USP47: variants seen among roughly 807,000 people sequenced by gnomAD.
USP47 encodes ubiquitin specific peptidase 47, also known as ubiquitin carboxyl-terminal hydrolase 47.
A neutral mutation model predicts 165.1 loss-of-function variants in USP47; 35 were observed. The ratio of observed to expected loss-of-function variants is 0.21; its 90% CI spans 0.16 to 0.28. The LOEUF (loss-of-function observed/expected upper bound fraction) is 0.28, where lower values mean the gene tolerates loss of function less well. Ranked by LOEUF, USP47 falls within the 10% of genes least tolerant of loss-of-function variation. The probability of loss-of-function intolerance (pLI) is 1.00; values close to 1 mark genes in which losing one functional copy is unlikely to be tolerated. For synonymous variants in USP47, 531 were observed against 544.5 expected, an observed-to-expected ratio of 0.98 and a Z score of 0.35; for missense variants, 1,277 against 1,607.4, an observed-to-expected ratio of 0.79 and a Z score of 3.52.
intron 2 of USP47, among the ~76,000 whole-genome samples, chr11:11,881,057 T>A (rs1287655976): frequency 6.6e-6 from 1 of 152,308 alleles, no homozygotes; most frequent in Non-Finnish European, 1.5e-5. Flanking sequence ...TATATTTAGT[T>A]TCTCTCTTTC....
chr11:11,850,878 G>A (rs959955737), intron 1 of USP47, among the ~76,000 whole-genome samples: 12 of 152,224 alleles, frequency 7.9e-5, no homozygotes, highest in Non-Finnish European at 1.3e-4. Context: ...GAGCAGCACC[G>A]TCTCGCTGTG....
At chr11:11,938,408 A>C in intron 18 of USP47, 36 bp downstream of exon 18, 1 of 1,512,414 alleles carries the variant, frequency 6.6e-7, no homozygotes, top group Non-Finnish European at 9.2e-7. Flanking sequence ...TAAATTTTTG[A>C]GAGCCTGCTA....
chr11:11,897,400 T>C (rs2134415749), intron 4 of USP47, among the ~76,000 whole-genome samples, 197 bp from the exon 5 acceptor site: 1 of 152,210 alleles, frequency 6.6e-6, no homozygotes, highest in African/African-American at 2.4e-5. Flanking sequence ...CCTGACATTT[T>C]CTACAAAACA....
chr11:11,948,767 A>C (rs563709199), intron 22 of USP47: 3 of 450,258 alleles, frequency 6.7e-6, no homozygotes, highest in Non-Finnish European at 1.2e-5. Flanking sequence ...TAATAAGCCA[A>C]TGAGATGGCT....
chr11:11,884,651 C>T, intron 3 of USP47, 71 bp downstream of exon 3: 1 of 988,370 alleles, frequency 1.0e-6, no homozygotes, highest in Non-Finnish European at 1.5e-6. Context: ...GATGCAGTTT[C>T]CCAAAGGAAA....
intron 4 of USP47, among the ~76,000 whole-genome samples, chr11:11,893,503 C>G (rs1421276170): frequency 1.3e-5 from 2 of 152,094 alleles, no homozygotes; most frequent in Non-Finnish European, 2.9e-5. Flanking sequence ...GTTGTAAGAT[C>G]ATAGCTCACT....
chr11:11,870,339 T>A (rs955731859), intron 1 of USP47, among the ~76,000 whole-genome samples: 1 of 152,216 alleles, frequency 6.6e-6, no homozygotes, highest in African/African-American at 2.4e-5. Context: ...TCTTGACTTG[T>A]AACCACATCA....
Position 11,960,679 on chromosome 11 carries a change from C to G in USP47, c.*4504C>G, listed in dbSNP as rs1297464880. ...GGGGATTTCACCCTCCCTTGGTCAT[C>G]TTTATACAGGGCAATTGTGCTGCTG... is the stretch of plus-strand genomic sequence containing the variant. On this transcript the variant is annotated 3_prime_UTR_variant, in exon 28 of 28. Coordinates refer to ENST00000527733, the MANE Select transcript of USP47 (RefSeq NM_001282659.2). Among the ~76,000 whole-genome samples the G allele has an allele frequency of 1.3e-5, 2 of 152,196 alleles. No individual in the cohort carries two copies. The highest frequency in any genetic ancestry group is 2.9e-5 in the Non-Finnish European group (2 of 68,044).
chr11:11,895,876 A>G (rs1424928729), intron 4 of USP47, among the ~76,000 whole-genome samples: 3 of 152,080 alleles, frequency 2.0e-5, no homozygotes, highest in East Asian at 1.9e-4. Flanking sequence ...TGTGCCCTCT[A>G]CTGGATGGTA....
chr11:11,949,994 A>G lies in USP47; in HGVS notation c.3454A>G (p.Ser1152Gly), dbSNP rs1269180110. The G allele has an allele frequency of 6.2e-7, 1 of 1,607,640 alleles. No homozygotes were observed. Among genetic ancestry groups the G allele is most frequent in the Admixed American group, 1.7e-5 (1 of 59,238 alleles). ...QLREQCGLEL[S>G]IDRFRLRKKT... ...CAGGGAGCAATGTGGTTTAGAGCTC[A>G]GTATTGACAGGTAAAGTAAAATTAA... Residue 1152 changes from serine to glycine, a missense_variant, in exon 23 of 28, where the codon AGT (serine) becomes GGT (glycine). This residue lies in a region of USP47 where 909 missense variants were observed against 1,068.1 expected (regional missense o/e 0.85). Transcript: ENST00000527733.
intron 1 of USP47, among the ~76,000 whole-genome samples, chr11:11,856,216 T>G (rs1043605996): frequency 6.6e-6 from 1 of 152,186 alleles, no homozygotes; most frequent in Non-Finnish European, 1.5e-5. Context: ...AAAAATATTT[T>G]TTTCCCCAGA....
chr11:11,909,533 CT>C (rs1364901563), intron 8 of USP47, among the ~76,000 whole-genome samples: 2 of 152,024 alleles, frequency 1.3e-5, no homozygotes, highest in Admixed American at 1.3e-4. Context: ...TAAGGAAGTG[CT>C]TTTTTATTTA....
intron 1 of USP47, among the ~76,000 whole-genome samples, chr11:11,853,738 T>C (rs1437060414): frequency 2.6e-5 from 4 of 152,230 alleles, no homozygotes; most frequent in Admixed American, 6.5e-5. Flanking sequence ...AAAACTGTTA[T>C]TGATATAACC....
At chr11:11,859,113 A>G (rs555025746) in intron 1 of USP47, among the ~76,000 whole-genome samples, 1 of 152,238 alleles carries the variant, frequency 6.6e-6, no homozygotes, top group African/African-American at 2.4e-5. Context: ...GCATTTTCCT[A>G]ACGACTGATA....
At chr11:11,930,478 G>A (rs1854587561) in intron 13 of USP47, among the ~76,000 whole-genome samples, 1 of 152,026 alleles carries the variant, frequency 6.6e-6, no homozygotes. Flanking sequence ...AGACTTTACT[G>A]TATTACCAAG....
chr11:11,873,301 ATTTCC>A (rs1179500023), intron 1 of USP47, among the ~76,000 whole-genome samples: 7 of 152,084 alleles, frequency 4.6e-5, no homozygotes, highest in Non-Finnish European at 8.8e-5. Flanking sequence ...GGTTACTTTT[ATTTCC>A]TTTTATATGT....
chr11:11,857,925 G>C (rs1214165873), intron 1 of USP47, among the ~76,000 whole-genome samples: 4 of 151,784 alleles, frequency 2.6e-5, no homozygotes, highest in African/African-American at 9.7e-5. Flanking sequence ...CCTCTGATTG[G>C]TTGCTTTCCA....
chr11:11,902,945 T>C, intron 6 of USP47, 85 bp downstream of exon 6: 3 of 1,363,378 alleles, frequency 2.2e-6, no homozygotes, highest in Non-Finnish European at 2.9e-6. Flanking sequence ...TTACACATAA[T>C]TACCTTTATC....
intron 20 of USP47, among the ~76,000 whole-genome samples, chr11:11,946,032 G>A (rs1051549918): frequency 6.6e-6 from 1 of 152,004 alleles, no homozygotes; most frequent in Non-Finnish European, 1.5e-5. Flanking sequence ...ACATTTTAAG[G>A]TTGTTCTGTG....
Sources: gnomAD v4.1 joint callset for allele counts (sites outside exome capture counted in the v4.1 genomes callset) on GRCh38, gnomAD v4.1.1 for gene constraint, gnomAD v4.1.1 regional missense constraint, MANE v1.5 for transcripts, NCBI Gene and HGNC (gene_info 2026-07-23, HGNC 2026-07-21) for gene names.